Variants in CLDN10 observed in about 807,000 individuals in gnomAD.
CLDN10 encodes the protein claudin-10.
CLDN10 carries 15 observed loss-of-function variants against 22.9 expected under a neutral mutation model. The ratio of observed to expected loss-of-function variants is 0.65; its 90% confidence interval spans 0.44 to 1.01. The LOEUF (loss-of-function observed/expected upper bound fraction) is 1.01, where lower values mean the gene tolerates loss of function less well. CLDN10 is among the 50% of genes least tolerant of loss of function. CLDN10 has a pLI of 0.00. For synonymous variants in CLDN10, 114 were observed against 111.4 expected, an observed-to-expected ratio of 1.02 and a Z score of -0.15; for missense variants, 247 against 287.8, an observed-to-expected ratio of 0.86 and a Z score of 1.03.
chr13:95,492,633 A>C (rs1318904617), intron 1 of CLDN10, among the ~76,000 whole-genome samples: 1 of 152,092 alleles, frequency 6.6e-6, no homozygotes, highest in Non-Finnish European at 1.5e-5. Flanking sequence ...TTCCCCCTGC[A>C]TGTGAAGTCT....
intron 1 of CLDN10, among the ~76,000 whole-genome samples, chr13:95,495,473 G>A (rs2042919012): frequency 2.0e-5 from 3 of 151,736 alleles, no homozygotes; most frequent in East Asian, 2.0e-4. Flanking sequence ...GGCCAGGCGC[G>A]GTGGCTCAAG....
At chr13:95,460,901 G>C (rs1290498661) in intron 1 of CLDN10, among the ~76,000 whole-genome samples, 2 of 152,072 alleles carry the variant, frequency 1.3e-5, no homozygotes, top group East Asian at 1.9e-4. Flanking sequence ...CTGAGGTCAG[G>C]GGTTCAAAAC....
chr13:95,556,138 C>A, intron 1 of CLDN10, among the ~76,000 whole-genome samples: 1 of 152,112 alleles, frequency 6.6e-6, no homozygotes, highest in Non-Finnish European at 1.5e-5. Flanking sequence ...TTCCACCTCC[C>A]GGGTTCAAGC....
chr13:95,458,511 T>C (rs1293136997), intron 1 of CLDN10, among the ~76,000 whole-genome samples: 2 of 152,172 alleles, frequency 1.3e-5, no homozygotes, highest in African/African-American at 4.8e-5. Context: ...AGCCACCTTC[T>C]TCACAGGCAG....
upstream of CLDN10, among the ~76,000 whole-genome samples, chr13:95,550,968 C>T (rs762924095): frequency 3.9e-4 from 59 of 151,990 alleles, no homozygotes; most frequent in Admixed American, 1.7e-3. Context: ...CCACTGCGCC[C>T]AGCCAGGGAG....
chr13:95,503,305 C>T (rs2043005328), intron 1 of CLDN10, among the ~76,000 whole-genome samples: 1 of 152,058 alleles, frequency 6.6e-6, no homozygotes, highest in Non-Finnish European at 1.5e-5. Flanking sequence ...GGGTCAAACA[C>T]TAAACCATGG....
At chr13:95,465,428 T>C (rs1218973679) in intron 1 of CLDN10, among the ~76,000 whole-genome samples, 1 of 152,198 alleles carries the variant, frequency 6.6e-6, no homozygotes, top group Non-Finnish European at 1.5e-5. Context: ...ATTATTATCT[T>C]AACTTTAGAG....
chr13:95,557,100 T>C (rs2043649326), intron 1 of CLDN10, among the ~76,000 whole-genome samples: 1 of 152,376 alleles, frequency 6.6e-6, no homozygotes, highest in East Asian at 1.9e-4. Flanking sequence ...GTATGCCATC[T>C]ATTTTTGCTA....
intron 1 of CLDN10, among the ~76,000 whole-genome samples, chr13:95,453,289 C>T (rs1295375861): frequency 3.3e-5 from 5 of 152,182 alleles, no homozygotes; most frequent in Admixed American, 1.3e-4. Flanking sequence ...TCTTGTCTGT[C>T]GGGAGAACCC....
intron 1 of CLDN10, among the ~76,000 whole-genome samples, chr13:95,464,478 C>T (rs947065983): frequency 2.7e-4 from 41 of 152,186 alleles, no homozygotes; most frequent in Non-Finnish European, 5.1e-4. Context: ...ATATGTGCCA[C>T]ACTTTCTTAA....
At chr13:95,439,159 A>G (rs2042300596) in intron 1 of CLDN10, among the ~76,000 whole-genome samples, 1 of 152,078 alleles carries the variant, frequency 6.6e-6, no homozygotes, top group Non-Finnish European at 1.5e-5. Flanking sequence ...CAATAACAAA[A>G]TACCATAAAC....
intron 1 of CLDN10, among the ~76,000 whole-genome samples, chr13:95,542,659 T>C (rs540569491): frequency 6.6e-6 from 1 of 151,642 alleles, no homozygotes; most frequent in Admixed American, 6.6e-5. Context: ...ATACAAAAAT[T>C]AGCTGGGCAT....
chr13:95,454,634 A>G (rs2042465049), intron 1 of CLDN10, among the ~76,000 whole-genome samples: 1 of 152,114 alleles, frequency 6.6e-6, no homozygotes, highest in Non-Finnish European at 1.5e-5. Flanking sequence ...GTGGAGAGGC[A>G]GTAGAGGGGA....
intron 3 of CLDN10, among the ~76,000 whole-genome samples, chr13:95,565,445 C>T (rs1336090500): frequency 1.3e-4 from 19 of 151,918 alleles, no homozygotes; most frequent in Non-Finnish European, 2.8e-4. Flanking sequence ...ATATTTTGGC[C>T]CAGCTATTTT....
At chr13:95,575,877 C>T (rs1429461373) in intron 3 of CLDN10, among the ~76,000 whole-genome samples, 2 of 152,164 alleles carry the variant, frequency 1.3e-5, no homozygotes, top group African/African-American at 2.4e-5. Flanking sequence ...AAGTGGGCCC[C>T]GTGTCCCTGA....
At chr13:95,447,613 C>A (rs2042393179) in intron 1 of CLDN10, among the ~76,000 whole-genome samples, 1 of 152,174 alleles carries the variant, frequency 6.6e-6, no homozygotes. Flanking sequence ...AGGGCCTCTC[C>A]TTTGCCTCCC....
chr13:95,503,381 C>T (rs1314285736), intron 1 of CLDN10, among the ~76,000 whole-genome samples: 4 of 152,074 alleles, frequency 2.6e-5, no homozygotes, highest in African/African-American at 7.2e-5. Flanking sequence ...CAAAAGAATG[C>T]ATTTTTATAT....
intron 1 of CLDN10, among the ~76,000 whole-genome samples, chr13:95,441,631 A>G (rs1026843997): frequency 6.6e-6 from 1 of 152,210 alleles, no homozygotes; most frequent in African/African-American, 2.4e-5. Context: ...AGCAGCATCT[A>G]TATCTCCTGG....
At chr13:95,481,848 C>T (rs780160247) in intron 1 of CLDN10, among the ~76,000 whole-genome samples, 3 of 152,028 alleles carry the variant, frequency 2.0e-5, no homozygotes, top group Non-Finnish European at 4.4e-5. Context: ...GGCAAAACCC[C>T]ATCTCTACTA....
Sources: allele counts gnomAD v4.1 joint callset (sites outside exome capture counted in the v4.1 genomes callset), GRCh38; gene constraint gnomAD v4.1.1; transcripts MANE v1.5; gene names NCBI Gene and HGNC (gene_info 2026-07-23, HGNC 2026-07-21).